FAM3B: variants seen among roughly 807,000 people sequenced by gnomAD.
FAM3B encodes protein FAM3B.
Under a neutral mutation model 28.4 loss-of-function variants are expected in FAM3B, and 29 were observed. The observed-to-expected ratio is 1.02, with a 90% CI of 0.76 to 1.39. The LOEUF is 1.39. Ranked by LOEUF, FAM3B falls within the 40% of genes most tolerant of loss-of-function variation. The pLI, the probability that FAM3B is intolerant of heterozygous loss-of-function variation, is 0.00. For missense variants in FAM3B, 266 were observed against 293.9 expected (o/e 0.91, Z 0.69); for synonymous variants, 91 against 103.0 (o/e 0.88, Z 0.71).
intron 1 of FAM3B, among the ~76,000 whole-genome samples, chr21:41,318,475 C>T (rs147009791): frequency 8.8e-4 from 134 of 152,304 alleles, no homozygotes; most frequent in African/African-American, 3.0e-3. Context: ...CGCTGCACTC[C>T]TGCTGTGGTG....
At chr21:41,321,551 A>G (rs2088806169) in intron 1 of FAM3B, among the ~76,000 whole-genome samples, 1 of 152,232 alleles carries the variant, frequency 6.6e-6, no homozygotes, top group Admixed American at 6.6e-5. Flanking sequence ...GCCTCTCCCC[A>G]GAGGAAACCA....
chr21:41,346,996 C>A lies in FAM3B; in HGVS notation c.398-17C>A. On this transcript the variant is annotated splice_polypyrimidine_tract_variant and intron_variant, in intron 5 of 7. Transcript: ENST00000357985. ...TGAACAGCAAAGACCCTAAAACTGA[C>A]TTGCATCCCCCAATAGATAACTCTG... The A allele has an allele frequency of 6.2e-7, 1 of 1,613,108 alleles. No individual in the cohort carries two copies. The highest frequency in any genetic ancestry group is 8.5e-7 in the Non-Finnish European group (1 of 1,179,072).
At chr21:41,308,527 T>C (rs2088693200) in intron 1 of FAM3B, among the ~76,000 whole-genome samples, 1 of 141,102 alleles carries the variant, frequency 7.1e-6, no homozygotes. Context: ...GGTTTTTGTT[T>C]TTCTTTTCTT....
chr21:41,317,322 C>T (rs1259359462), intron 1 of FAM3B, among the ~76,000 whole-genome samples: 1 of 151,472 alleles, frequency 6.6e-6, no homozygotes, highest in Non-Finnish European at 1.5e-5. Flanking sequence ...CTGCCCCTGA[C>T]CTTGCACGCC....
chr21:41,322,229 C>T (rs554743046), intron 1 of FAM3B, among the ~76,000 whole-genome samples: 1 of 152,174 alleles, frequency 6.6e-6, no homozygotes, highest in Admixed American at 6.6e-5. Flanking sequence ...AGATCAATGC[C>T]TTTTCCTTGG....
intron 6 of FAM3B, 118 bp from the exon 7 acceptor site, chr21:41,348,474 G>C: frequency 8.8e-7 from 1 of 1,132,844 alleles, no homozygotes; most frequent in Non-Finnish European, 1.3e-6. Context: ...TGCAGCAGGA[G>C]ATGAATGTGT....
chr21:41,343,601 A>C (rs1165623011), intron 3 of FAM3B, among the ~76,000 whole-genome samples: 1 of 152,238 alleles, frequency 6.6e-6, no homozygotes, highest in Non-Finnish European at 1.5e-5. Context: ...ATTCCAAAGC[A>C]TGGAAAAAGG....
chr21:41,353,508 CA>C (rs2089139547), intron 7 of FAM3B, among the ~76,000 whole-genome samples: 1 of 152,204 alleles, frequency 6.6e-6, no homozygotes, highest in South Asian at 2.1e-4. Context: ...CATGTTCTCA[CA>C]TTTTTGATCA....
intron 1 of FAM3B, among the ~76,000 whole-genome samples, chr21:41,310,655 G>A (rs2088703832): frequency 6.6e-6 from 1 of 152,196 alleles, no homozygotes; most frequent in Admixed American, 6.5e-5. Flanking sequence ...GAGCTCTGAA[G>A]AGTCAGCCCT....
intron 5 of FAM3B, chr21:41,346,531 G>A (rs982213596): frequency 5.8e-5 from 9 of 156,486 alleles, no homozygotes; most frequent in African/African-American, 1.7e-4. Flanking sequence ...TCCTGCACAC[G>A]TCGGTGTGTT....
rs2088753453 is a variant in FAM3B, at chr21:41,316,837, T to A, written c.-43T>A. On this transcript the variant is annotated 5_prime_UTR_variant, in exon 1 of 8. Coordinates refer to ENST00000357985, the MANE Select transcript of FAM3B (RefSeq NM_058186.4). ...AGGGGCTCCGCTGGCTGCGGTCGCC[T>A]GGGAGCTGCCGCCAGGGCCAGGAGG... The A allele has an allele frequency of 7.0e-7, 1 of 1,433,910 alleles. No individual in the cohort carries two copies. The highest frequency in any genetic ancestry group is 9.1e-7 in the Non-Finnish European group (1 of 1,097,012). 88.8% of individuals were successfully genotyped at this position (1,433,910 alleles called of 1,614,324 possible).
intron 3 of FAM3B, among the ~76,000 whole-genome samples, chr21:41,344,119 CAATA>C (rs1163789618): frequency 6.6e-6 from 1 of 152,098 alleles, no homozygotes; most frequent in Non-Finnish European, 1.5e-5. Context: ...GACCCTGTCT[CAATA>C]AATAAATAGA....
At chr21:41,306,129 G>A (rs777695161) in intron 1 of FAM3B, among the ~76,000 whole-genome samples, 19 of 152,094 alleles carry the variant, frequency 1.2e-4, no homozygotes, top group East Asian at 3.8e-4. Flanking sequence ...ATTCCTCATC[G>A]GTTCAAATTT....
At chr21:41,330,535 T>A (rs1282864940) in intron 2 of FAM3B, among the ~76,000 whole-genome samples, 1 of 152,184 alleles carries the variant, frequency 6.6e-6, no homozygotes, top group East Asian at 1.9e-4. Context: ...AACTTATTCC[T>A]CCTGTGTAGC....
chr21:41,327,986 A>G lies in FAM3B; in HGVS notation c.163+4920A>G, dbSNP rs1456051942. On this transcript the variant is annotated intron_variant, in intron 2 of 7. Coordinates refer to ENST00000357985, the MANE Select transcript of FAM3B (RefSeq NM_058186.4). ...CACCCTCCAGCTGAGAGGATTCTGT[A>G]TCTAGTTTACTCCGTGCAGCATCCT... Among the ~76,000 whole-genome samples, 4 of 152,208 alleles carry G rather than the reference A, an allele frequency of 2.6e-5. No individual in the cohort carries two copies. The East Asian group carries it at 7.7e-4, about 29-fold the overall frequency.
chr21:41,351,558 T>C (rs2089120668), intron 7 of FAM3B, among the ~76,000 whole-genome samples: 1 of 152,160 alleles, frequency 6.6e-6, no homozygotes. Flanking sequence ...GAAGTGCCAC[T>C]GGAGGAATCA....
chr21:41,344,864 A>G (rs2089042133), intron 4 of FAM3B, among the ~76,000 whole-genome samples: 1 of 152,238 alleles, frequency 6.6e-6, no homozygotes, highest in Admixed American at 6.5e-5. Context: ...ATTTGCTCCC[A>G]GAGTCCCAGT....
intron 7 of FAM3B, among the ~76,000 whole-genome samples, chr21:41,353,049 A>G (rs936909154): frequency 8.5e-5 from 13 of 152,200 alleles, no homozygotes; most frequent in Non-Finnish European, 1.6e-4. Context: ...TGAAATTCAG[A>G]AAGCAATTGT....
chr21:41,340,982 A>G (rs1351782952), intron 3 of FAM3B, among the ~76,000 whole-genome samples: 1 of 152,174 alleles, frequency 6.6e-6, no homozygotes, highest in Non-Finnish European at 1.5e-5. Flanking sequence ...GCATGTATAC[A>G]TGTGAATATA....
Sources: allele counts gnomAD v4.1 joint callset (sites outside exome capture counted in the v4.1 genomes callset), GRCh38; gene constraint gnomAD v4.1.1; transcripts MANE v1.5; gene names NCBI Gene and HGNC (gene_info 2026-07-23, HGNC 2026-07-21).